Variants in TOR1AIP2 observed in about 807,000 individuals in gnomAD.
TOR1AIP2 encodes the protein torsin 1A interacting protein 2.
Under a neutral mutation model 32.6 loss-of-function variants are expected in TOR1AIP2, and 20 were observed. The observed-to-expected ratio is 0.61, with a 90% CI of 0.43 to 0.89. The LOEUF is 0.89. TOR1AIP2 is among the 40% of genes least tolerant of loss of function. The probability of loss-of-function intolerance (pLI) is 0.00; values close to 1 mark genes in which losing one functional copy is unlikely to be tolerated. For missense variants in TOR1AIP2, 456 were observed against 553.8 expected (o/e 0.82, Z 1.77); for synonymous variants, 214 against 210.8 (o/e 1.02, Z -0.13).
At position 179,861,087 on chromosome 1, in the gene TOR1AIP2, T is replaced by A. The variant is rs1006123448; in HGVS notation, c.-147+4349A>T. ...AACCTTTTCACTCCCTGGACTGCCA[T>A]AAAATAACAGGGAGTAGTTATAATG... is the stretch of plus-strand genomic sequence containing the variant. On this transcript the variant is annotated intron_variant, in intron 3 of 6. Transcript: ENST00000609928. 5.1e-6 allele frequency: 5 copies of A among 985,438 alleles called. No individual in the cohort carries two copies. The South Asian group carries it at 2.3e-4, about 46-fold the overall frequency. The allele number at this position is 985,438 out of a possible 1,614,324, so 61.0% of individuals were successfully genotyped here.
intron 3 of TOR1AIP2, among the ~76,000 whole-genome samples, chr1:179,856,478 A>T (rs1696306950): frequency 6.6e-6 from 1 of 152,214 alleles, no homozygotes; most frequent in African/African-American, 2.4e-5. Context: ...GTAACATATC[A>T]TCACTGTTCA....
At chr1:179,849,454 C>A (rs1255476074) in intron 5 of TOR1AIP2, among the ~76,000 whole-genome samples, 1 of 152,170 alleles carries the variant, frequency 6.6e-6, no homozygotes, top group Non-Finnish European at 1.5e-5. Context: ...GTCTTCCTGG[C>A]CTCAAGTGAT....
Position 179,846,798 on chromosome 1 carries a change from G to A in TOR1AIP2, c.686C>T (p.Ala229Val). ...GPVILVVLVV[A>V]VVASSVNSYY... ...GCTATTCACAGAACTTGCCACAACA[G>A]CCACAACCAGGACGACAAGAATCAC... Residue 229 changes from alanine (A) to valine (V), a missense_variant, in exon 7 of 7, where the codon GCT (alanine) becomes GTT (valine). Physicochemically the swap from Ala to Val is moderately conservative, Grantham distance 64. Coordinates refer to ENST00000609928, the MANE Select transcript of TOR1AIP2 (RefSeq NM_001199260.2). 1.2e-6 allele frequency: 2 copies of A among 1,606,216 alleles called. No individual in the cohort carries two copies. The highest frequency in any genetic ancestry group is 1.7e-6 in the Non-Finnish European group (2 of 1,174,648).
At position 179,847,762 on chromosome 1, in the gene TOR1AIP2, G is replaced by A. The variant is rs527878269; in HGVS notation, c.554-126C>T. 4.2e-4 allele frequency: 279 copies of A among 663,162 alleles called. No individual in the cohort carries two copies. The African/African-American group carries it at 4.3e-3, about 10-fold the overall frequency. 41.1% of individuals were successfully genotyped at this position (663,162 alleles called of 1,614,324 possible). A position where few individuals can be genotyped will look rare whatever the true frequency, so the allele number is the denominator to read the frequency against. On this transcript the variant is annotated intron_variant, in intron 5 of 6. Coordinates refer to ENST00000609928, the MANE Select transcript of TOR1AIP2 (RefSeq NM_001199260.2). ...GGCTTTCTATACCTTGGCCAGGTACGGTGGCTCATGCCTGTAATCCCAGCA... is the reference window on the plus strand; with the variant it reads ...GGCTTTCTATACCTTGGCCAGGTACAGTGGCTCATGCCTGTAATCCCAGCA...
chr1:179,843,907 G>C lies in TOR1AIP2; in HGVS notation c.*2164C>G, dbSNP rs373647753. On this transcript the variant is annotated 3_prime_UTR_variant, in exon 7 of 7. Coordinates refer to ENST00000609928, the MANE Select transcript of TOR1AIP2 (RefSeq NM_001199260.2). The stretch of plus-strand genomic sequence containing the variant: ...AATTGATTGCACTATACATGGAAGG[G>C]AAAATGTTTTTAAAAAGGCTAAATT... 8 of 151,670 alleles carry C rather than the reference G, an allele frequency of 5.3e-5. No homozygotes were observed. In the East Asian group the frequency reaches 9.7e-4, roughly 18 times the overall value. The allele number at this position is 151,670 out of a possible 1,614,324, so 9.4% of individuals were successfully genotyped here.
At chr1:179,855,790 T>A (rs1336359684) in intron 3 of TOR1AIP2, among the ~76,000 whole-genome samples, 1 of 152,072 alleles carries the variant, frequency 6.6e-6, no homozygotes, top group Non-Finnish European at 1.5e-5. Context: ...AATAAGAAAG[T>A]GGGTTTAAAA....
chr1:179,860,049 T>TTTTGTAGAGTTG, intron 3 of TOR1AIP2: 1 of 814,184 alleles, frequency 1.2e-6, no homozygotes. Context: ...GGTCTCACTA[T>TTTTGTAGAGTTG]GTTGCTCAGG....
intron 3 of TOR1AIP2, chr1:179,859,661 T>C (rs1266270329): frequency 8.1e-6 from 8 of 985,324 alleles, no homozygotes; most frequent in Non-Finnish European, 9.6e-6. Context: ...ATATCTACCA[T>C]AATTAAGATT....
intron 2 of TOR1AIP2, chr1:179,869,325 G>A (rs1178258331): frequency 2.0e-5 from 3 of 152,070 alleles, no homozygotes; most frequent in African/African-American, 7.2e-5. Flanking sequence ...CAAACCTGAG[G>A]ATAATTATTA....
Position 179,846,081 on chromosome 1 carries a change from C to A in TOR1AIP2, c.1403G>T (p.Cys468Phe). The change falls in exon 7 of 7, where the codon TGC (cysteine) becomes TTC (phenylalanine). Residue 468 changes from cysteine to phenylalanine, a missense_variant. Physicochemically the swap from Cys to Phe is radical, Grantham distance 205. Coordinates refer to ENST00000609928, the MANE Select transcript of TOR1AIP2 (RefSeq NM_001199260.2). ...ACTCTGTGCTTAGCTTTAGAAAAGG[C>A]ACCCCTGTTCTTCTATGCTACTCAC... ...QPVSSIEEQG[C>F]LF 6.2e-7 allele frequency: 1 copy of A among 1,612,822 alleles called. No individual in the cohort carries two copies. Among genetic ancestry groups the A allele is most frequent in the Non-Finnish European group, 8.5e-7 (1 of 1,179,018 alleles).
intron 3 of TOR1AIP2, among the ~76,000 whole-genome samples, chr1:179,853,923 A>G (rs1696205054): frequency 6.6e-6 from 1 of 152,154 alleles, no homozygotes; most frequent in Admixed American, 6.5e-5. Flanking sequence ...CAGCTCTTTT[A>G]TCTTCTTCAA....
rs1467876261 is a variant in TOR1AIP2 at position 179,846,472 on chromosome 1, G to A, written c.1012C>T (p.Gln338Ter). 1 of 1,614,168 alleles carries A rather than the reference G, an allele frequency of 6.2e-7. No individual in the cohort carries two copies. Among genetic ancestry groups the A allele is most frequent in the Non-Finnish European group, 8.5e-7 (1 of 1,180,034 alleles). ...IQIDGAGRTW[Q>*]DSDTVKLLVD... ...AACAGCTTGACCGTGTCACTGTCCTGCCAGGTCCTTCCAGCCCCATCAATC... is the reference window on the plus strand; with the variant it reads ...AACAGCTTGACCGTGTCACTGTCCTACCAGGTCCTTCCAGCCCCATCAATC... Residue 338 changes from glutamine (Q) to a stop codon, truncating the protein, a stop_gained, in exon 7 of 7, where the codon CAG becomes TAG. Coordinates refer to ENST00000609928, the MANE Select transcript of TOR1AIP2 (RefSeq NM_001199260.2). LOFTEE classifies it high-confidence loss of function.
At chr1:179,860,507 ACT>A in intron 3 of TOR1AIP2, 12 of 984,684 alleles carry the variant, frequency 1.2e-5, no homozygotes, top group Non-Finnish European at 1.4e-5. Flanking sequence ...AACAAGTAAG[ACT>A]CTACCTTATT....
In TOR1AIP2 at chr1:179,851,184, T is replaced by C; in HGVS notation, c.214A>G (p.Ser72Gly). ...ESADTGDKSE[S>G]PDEANVGKHP... The stretch of plus-strand genomic sequence containing the variant: ...TTCCCCACATTTGCTTCATCTGGAC[T>C]TTCTGATTTATCACCTGTATCTGCA... The change falls in exon 5 of 7, where the codon AGT becomes GGT. Residue 72 changes from serine (S) to glycine (G), a missense_variant. By Grantham distance (56) the Ser-to-Gly change is moderately conservative. Coordinates refer to ENST00000609928, the MANE Select transcript of TOR1AIP2 (RefSeq NM_001199260.2). The C allele has an allele frequency of 6.2e-7, 1 of 1,614,154 alleles. No individual in the cohort carries two copies. The highest frequency in any genetic ancestry group is 8.5e-7 in the Non-Finnish European group (1 of 1,180,032).
At chr1:179,862,426 C>G (rs1041371248) in intron 3 of TOR1AIP2, 5 of 985,222 alleles carry the variant, frequency 5.1e-6, no homozygotes, top group African/African-American at 1.7e-5. Flanking sequence ...GATAAACTAA[C>G]TAGTCTTCAG....
At position 179,862,163 on chromosome 1, in the gene TOR1AIP2, C is replaced by T. The variant is rs894272076; in HGVS notation, c.-147+3273G>A. 1.1e-5 allele frequency: 11 copies of T among 984,698 alleles called. No homozygotes were observed. The South Asian group carries it at 5.2e-4, about 46-fold the overall frequency. 61.0% of individuals were successfully genotyped at this position (984,698 alleles called of 1,614,324 possible). On this transcript the variant is annotated intron_variant, in intron 3 of 6. Coordinates refer to ENST00000609928, the MANE Select transcript of TOR1AIP2 (RefSeq NM_001199260.2). ...ATGATATAAATCCTTTTAATCTGAT[C>T]TTACTATTTAATGGAGATATTGACT...
At chr1:179,854,733 T>C (rs1696235064) in intron 3 of TOR1AIP2, among the ~76,000 whole-genome samples, 1 of 151,918 alleles carries the variant, frequency 6.6e-6, no homozygotes, top group Non-Finnish European at 1.5e-5. Flanking sequence ...TAGCCGGGCA[T>C]GGTGGCGCAT....
At chr1:179,871,504 T>C (rs1697010190) in intron 2 of TOR1AIP2, among the ~76,000 whole-genome samples, 1 of 152,258 alleles carries the variant, frequency 6.6e-6, no homozygotes, top group South Asian at 2.1e-4. Flanking sequence ...TAAGTTCAAA[T>C]CTGCCTTCAA....
rs1197880951 is a variant in TOR1AIP2 at position 179,861,852 on chromosome 1, A to ATATC, written c.-147+3580_-147+3583dup. The ATATC allele has an allele frequency of 2.4e-5, 23 of 951,876 alleles. No individual in the cohort carries two copies. In the African/African-American group the frequency reaches 3.7e-4, roughly 15 times the overall value. 59.0% of individuals were successfully genotyped at this position (951,876 alleles called of 1,614,324 possible). ...ATCAGAATCTCCAAAGGTACTATTT[A>ATATC]TATCTTTTATGTTGTTTTTTTTTCT... is the stretch of plus-strand genomic sequence containing the variant. On this transcript the variant is annotated intron_variant, in intron 3 of 6. Transcript: ENST00000609928.
Sources: gnomAD v4.1 joint callset for allele counts (sites outside exome capture counted in the v4.1 genomes callset) on GRCh38, gnomAD v4.1.1 for gene constraint, MANE v1.5 for transcripts, NCBI Gene and HGNC (gene_info 2026-07-23, HGNC 2026-07-21) for gene names.